The following UBE4B variants were observed in gnomAD, a reference collection of about 807,000 sequenced individuals.
UBE4B encodes ubiquitination factor E4B.
Under a neutral mutation model 148.1 loss-of-function variants are expected in UBE4B, and 27 were observed. The ratio of observed to expected loss-of-function variants is 0.18; its 90% CI spans 0.13 to 0.25. UBE4B has a LOEUF of 0.25. Ranked by LOEUF, UBE4B falls within the 10% of genes least tolerant of loss-of-function variation. UBE4B has a pLI of 1.00. For synonymous variants in UBE4B, 596 were observed against 619.3 expected (o/e 0.96, Z 0.56); for missense variants, 1,170 against 1,662.4 (o/e 0.70, Z 5.15).
At chr1:10,064,566 G>A (rs1409110073) in intron 1 of UBE4B, among the ~76,000 whole-genome samples, 1 of 152,138 alleles carries the variant, frequency 6.6e-6, no homozygotes, top group Non-Finnish European at 1.5e-5. Flanking sequence ...GGTGCTGCCA[G>A]GGCTTCCTGT....
chr1:10,046,854 G>T (rs529929673), intron 1 of UBE4B, among the ~76,000 whole-genome samples: 5 of 152,234 alleles, frequency 3.3e-5, no homozygotes, highest in African/African-American at 1.2e-4. Flanking sequence ...TGTAGACCGC[G>T]GACATTCCTC....
intron 5 of UBE4B, among the ~76,000 whole-genome samples, chr1:10,104,215 TA>T (rs1645070413): frequency 6.6e-6 from 1 of 152,204 alleles, no homozygotes; most frequent in Admixed American, 6.5e-5. Context: ...AGATAGAACA[TA>T]ATGACATTTT....
chr1:10,043,558 C>G (rs913981843), intron 1 of UBE4B, among the ~76,000 whole-genome samples: 2 of 151,490 alleles, frequency 1.3e-5, no homozygotes, highest in African/African-American at 2.4e-5. Context: ...TCCCAAGTAG[C>G]TGGGACTACA....
intron 9 of UBE4B, 27 bp downstream of exon 9, chr1:10,119,640 A>G (rs949196856): frequency 1.2e-6 from 2 of 1,601,904 alleles, no homozygotes; most frequent in Non-Finnish European, 1.7e-6. Context: ...CGTGCTTGAC[A>G]TTAGCAGGCA....
intron 1 of UBE4B, among the ~76,000 whole-genome samples, chr1:10,070,147 G>A (rs1644458923): frequency 6.6e-6 from 1 of 151,842 alleles, no homozygotes; most frequent in African/African-American, 2.4e-5. Context: ...GGTGGTGCAT[G>A]CCTGTAGTCC....
At chr1:10,087,717 A>G (rs1644786230) in intron 2 of UBE4B, among the ~76,000 whole-genome samples, 1 of 152,164 alleles carries the variant, frequency 6.6e-6, no homozygotes, top group Admixed American at 6.5e-5. Flanking sequence ...ACATCATCAC[A>G]TGCTTGAGTT....
At position 10,105,554 on chromosome 1, in the gene UBE4B, A is replaced by G. The variant is rs752009916; in HGVS notation, c.619A>G (p.Met207Val). ...DFKDLIGQIL[M>V]EVLMMSTQTR... ...TAAGGACTTGATTGGCCAGATTTTA[A>G]TGGAAGTGCTAATGATGTCCACTCA... The change falls in exon 6 of 28, where the codon ATG (methionine) becomes GTG (valine). Residue 207 changes from methionine (M) to valine (V), a missense_variant. Physicochemically the swap from Met to Val is conservative, Grantham distance 21. Around this residue, in one of 6 missense-constraint regions of UBE4B, gnomAD observed 91 missense variants for 120.5 expected, o/e 0.76. Coordinates refer to ENST00000343090, the MANE Select transcript of UBE4B (RefSeq NM_001105562.3). 6.2e-7 allele frequency: 1 copy of G among 1,614,184 alleles called. No individual in the cohort carries two copies. The highest frequency in any genetic ancestry group is 8.5e-7 in the Non-Finnish European group (1 of 1,180,034).
At position 10,105,695 on chromosome 1, in the gene UBE4B, A is replaced by G. The variant is rs1570899058; in HGVS notation, c.760A>G (p.Ser254Gly). The G allele has an allele frequency of 2.5e-6, 4 of 1,614,090 alleles. No homozygotes were observed. Among genetic ancestry groups the G allele is most frequent in the East Asian group, 2.2e-5 (1 of 44,902 alleles). Residue 254 changes from serine (S) to glycine (G), a missense_variant, in exon 6 of 28, where the codon AGC becomes GGC. This residue lies in a region of UBE4B where 214 missense variants were observed against 209.1 expected (regional missense o/e 1.02). Transcript: ENST00000343090. ...AAACACTGGCTCCAATCCAGGAACA[A>G]GCCCCATGTTCTGCAGCGTGGCTTC... ...LLNTGSNPGT[S>G]PMFCSVASFG...
chr1:10,174,988 G>T (rs2102039395), intron 25 of UBE4B, among the ~76,000 whole-genome samples: 1 of 152,218 alleles, frequency 6.6e-6, no homozygotes, highest in Non-Finnish European at 1.5e-5. Flanking sequence ...CTTGTTTTCC[G>T]GGAAAGACAA....
rs763160034 is a variant in UBE4B at position 10,144,995 on chromosome 1, A to G, written c.2419A>G (p.Thr807Ala). 32 of 1,613,926 alleles carry G rather than the reference A, an allele frequency of 2.0e-5. 1 individual carries two copies. In the South Asian group the frequency reaches 3.1e-4, roughly 16 times the overall value. ...CCAATGGAAAGATTCCCCACTGGCA[A>G]CTAGACACCGCGAAATGCTGAAGCG... The part of the protein sequence containing the change: ...ESQWKDSPLA[T>A]RHREMLKRCK... The change falls in exon 18 of 28, where the codon ACT (threonine) becomes GCT (alanine). Residue 807 changes from threonine (T) to alanine (A), a missense_variant. Coordinates refer to ENST00000343090, the MANE Select transcript of UBE4B (RefSeq NM_001105562.3).
chr1:10,095,717 A>G (rs1383860573), intron 3 of UBE4B, 121 bp downstream of exon 3: 12 of 1,045,808 alleles, frequency 1.1e-5, no homozygotes, highest in Non-Finnish European at 1.7e-5. Flanking sequence ...GTCCTTAGCA[A>G]ATTAGTGTCA....
chr1:10,154,435 C>G (rs1455649764), intron 21 of UBE4B, among the ~76,000 whole-genome samples: 1 of 152,028 alleles, frequency 6.6e-6, no homozygotes, highest in Non-Finnish European at 1.5e-5. Flanking sequence ...AATAGCTATA[C>G]TCTGACATAA....
intron 23 of UBE4B, among the ~76,000 whole-genome samples, chr1:10,166,964 CACACACAAA>C (rs1287333983): frequency 2.6e-4 from 37 of 139,842 alleles, no homozygotes; most frequent in East Asian, 2.5e-3. Flanking sequence ...CACACACACA[CACACACAAA>C]AAAAAAAAAT....
intron 2 of UBE4B, among the ~76,000 whole-genome samples, chr1:10,093,512 C>G (rs1644881766): frequency 6.6e-6 from 1 of 152,212 alleles, no homozygotes; most frequent in Admixed American, 6.6e-5. Context: ...TAAATTAGTA[C>G]ATGTGAAGAA....
At chr1:10,170,672 G>C (rs758237181) in intron 24 of UBE4B, among the ~76,000 whole-genome samples, 9 of 152,154 alleles carry the variant, frequency 5.9e-5, no homozygotes, top group Admixed American at 1.3e-4. Context: ...TATCTGATAA[G>C]TACATAAGAA....
chr1:10,090,401 G>T (rs1017799079), intron 2 of UBE4B, among the ~76,000 whole-genome samples: 1 of 151,584 alleles, frequency 6.6e-6, no homozygotes, highest in Non-Finnish European at 1.5e-5. Flanking sequence ...AATTATAGGC[G>T]TGAGCCACCA....
intron 2 of UBE4B, among the ~76,000 whole-genome samples, chr1:10,083,344 A>G (rs539958607): frequency 6.6e-6 from 1 of 152,160 alleles, no homozygotes; most frequent in Non-Finnish European, 1.5e-5. Flanking sequence ...GATTGATGCA[A>G]GGCAGGGCTA....
At chr1:10,177,592 G>A (rs890570148) in intron 25 of UBE4B, among the ~76,000 whole-genome samples, 2 of 152,130 alleles carry the variant, frequency 1.3e-5, no homozygotes, top group Non-Finnish European at 2.9e-5. Context: ...GGAGTTTGAG[G>A]CTGCAGTGAG....
chr1:10,135,494 T>G (rs903547162), intron 16 of UBE4B, among the ~76,000 whole-genome samples: 5 of 151,958 alleles, frequency 3.3e-5, no homozygotes, highest in Admixed American at 3.3e-4. Context: ...ATCCCAGCAC[T>G]TTGGGAGGCT....
Sources: allele counts gnomAD v4.1 joint callset (sites outside exome capture counted in the v4.1 genomes callset), GRCh38; gene constraint gnomAD v4.1.1; regional missense constraint gnomAD v4.1.1; transcripts MANE v1.5; gene names NCBI Gene and HGNC (gene_info 2026-07-23, HGNC 2026-07-21).